OSBP2: variants seen among roughly 807,000 people sequenced by gnomAD.
OSBP2 encodes oxysterol-binding protein 2.
Under a neutral mutation model 96.0 loss-of-function variants are expected in OSBP2, and 66 were observed. That is an observed-to-expected ratio of 0.69 (90% CI 0.56 to 0.84). The LOEUF (loss-of-function observed/expected upper bound fraction) is 0.84, where lower values mean the gene tolerates loss of function less well. Among genes scored for constraint, OSBP2 ranks in the 40% least tolerant of loss-of-function variants. The probability of loss-of-function intolerance (pLI) is 0.00; values close to 1 mark genes in which losing one functional copy is unlikely to be tolerated. For synonymous variants in OSBP2, 525 were observed against 520.9 expected, an observed-to-expected ratio of 1.01 and a Z score of -0.11; for missense variants, 1,038 against 1,222.7, an observed-to-expected ratio of 0.85 and a Z score of 2.25.
At chr22:30,721,570 C>T (rs1230317280) in intron 1 of OSBP2, among the ~76,000 whole-genome samples, 3 of 152,174 alleles carry the variant, frequency 2.0e-5, no homozygotes, top group East Asian at 1.9e-4. Context: ...TGTTGTGTTT[C>T]GACAGGAGTT....
rs767628950 is a variant in OSBP2 at position 30,695,422 on chromosome 22, G to A, written c.513G>A (p.Thr171=). The change falls in exon 1 of 14, where the codon ACG becomes ACA. Residue 171 remains threonine (T), a synonymous_variant. Coordinates refer to ENST00000332585, the MANE Select transcript of OSBP2 (RefSeq NM_030758.4). ...PLGVPMSGTG[T]TSSAPLALLP... ...GGGTTCCAATGTCGGGGACTGGCACGACCTCCAGTGCCCCACTGGCCTTAC... is the reference window on the plus strand; with the variant it reads ...GGGTTCCAATGTCGGGGACTGGCACAACCTCCAGTGCCCCACTGGCCTTAC... 6.2e-7 allele frequency: 1 copy of A among 1,613,712 alleles called. No homozygotes were observed. The highest frequency in any genetic ancestry group is 1.3e-5 in the African/African-American group (1 of 75,068).
At chr22:30,806,647 G>A (rs1184185722) in intron 2 of OSBP2, among the ~76,000 whole-genome samples, 1 of 152,150 alleles carries the variant, frequency 6.6e-6, no homozygotes, top group Non-Finnish European at 1.5e-5. Flanking sequence ...CCACTGCCCT[G>A]GACAGGAACC....
intron 1 of OSBP2, among the ~76,000 whole-genome samples, chr22:30,737,363 A>C: frequency 7.9e-6 from 1 of 126,270 alleles, no homozygotes; most frequent in Non-Finnish European, 1.6e-5. Context: ...TCACTCTGTC[A>C]CTCAGGCTGG....
intron 2 of OSBP2, among the ~76,000 whole-genome samples, chr22:30,843,849 T>C (rs1470669811): frequency 1.3e-5 from 2 of 151,608 alleles, no homozygotes; most frequent in Admixed American, 6.6e-5. Context: ...GCCTGGGTAA[T>C]AGAGTGAGAC....
chr22:30,704,489 A>C (rs1015462786), intron 1 of OSBP2, among the ~76,000 whole-genome samples: 3 of 151,326 alleles, frequency 2.0e-5, no homozygotes, highest in East Asian at 1.9e-4. Context: ...GCACGTACCC[A>C]AATTCCAGAT....
intron 2 of OSBP2, among the ~76,000 whole-genome samples, chr22:30,786,436 C>A (rs2090591395): frequency 6.6e-6 from 1 of 152,080 alleles, no homozygotes; most frequent in South Asian, 2.1e-4. Context: ...ATCAATGACA[C>A]CTGCCAGAGA....
chr22:30,779,477 C>T (rs1455248740), intron 2 of OSBP2, among the ~76,000 whole-genome samples: 1 of 152,002 alleles, frequency 6.6e-6, no homozygotes, highest in Non-Finnish European at 1.5e-5. Flanking sequence ...TATATAAAAT[C>T]TATAAACCAT....
chr22:30,878,223 T>C (rs2039625452), intron 3 of OSBP2, among the ~76,000 whole-genome samples: 1 of 152,242 alleles, frequency 6.6e-6, no homozygotes, highest in Non-Finnish European at 1.5e-5. Context: ...CCAATGTCAA[T>C]GACTCAAGGC....
chr22:30,748,317 T>C (rs2090032484), intron 2 of OSBP2, among the ~76,000 whole-genome samples: 1 of 151,952 alleles, frequency 6.6e-6, no homozygotes, highest in Non-Finnish European at 1.5e-5. Context: ...GTGATCCGCC[T>C]GCCTCAGCCT....
At position 30,737,311 on chromosome 22, in the gene OSBP2, C is replaced by T. The variant is rs545218207; in HGVS notation, c.645-3850C>T. On this transcript the variant is annotated intron_variant, in intron 1 of 13. Coordinates refer to ENST00000332585, the MANE Select transcript of OSBP2 (RefSeq NM_030758.4). ...GATTACAGGCGTGAGCCACTGCGCCCGGCCTTTTTTTTTTTTTTTTTTTTT... is the reference window on the plus strand; with the variant it reads ...GATTACAGGCGTGAGCCACTGCGCCTGGCCTTTTTTTTTTTTTTTTTTTTT... Among the ~76,000 whole-genome samples the T allele has an allele frequency of 6.5e-3, 958 of 147,246 alleles. 5 individuals carry two copies. Among genetic ancestry groups the T allele is most frequent in the Non-Finnish European group, 0.011 (724 of 66,900 alleles).
At chr22:30,854,306 CTTTTTTT>C (rs10618386) in intron 2 of OSBP2, among the ~76,000 whole-genome samples, 1 of 103,014 alleles carries the variant, frequency 9.7e-6, no homozygotes. Context: ...ATACAGTTAT[CTTTTTTT>C]TTTTTTTTTT....
chr22:30,854,136 T>G (rs1338228625), intron 2 of OSBP2, among the ~76,000 whole-genome samples: 1 of 152,102 alleles, frequency 6.6e-6, no homozygotes, highest in Non-Finnish European at 1.5e-5. Context: ...TTCCAAATAA[T>G]TCACCACTTC....
In OSBP2 at chr22:30,698,015, C is replaced by T. The variant is rs150468553; in HGVS notation, c.644+2462C>T. 2.2e-3 allele frequency among the ~76,000 whole-genome samples: 339 copies of T among 152,262 alleles called. 1 individual carries two copies. Among genetic ancestry groups the T allele is most frequent in the African/African-American group, 7.4e-3 (309 of 41,542 alleles). On this transcript the variant is annotated intron_variant, in intron 1 of 13. Transcript: ENST00000332585. ...TGGAATTGCCACTTGAGATGTTTGA[C>T]GCCGCTCTCCTGTCCCCACTTCTGA...
intron 12 of OSBP2, among the ~76,000 whole-genome samples, chr22:30,898,272 G>A (rs1437014716): frequency 6.6e-6 from 1 of 152,020 alleles, no homozygotes; most frequent in African/African-American, 2.4e-5. Flanking sequence ...AGGATCACTT[G>A]AGCCCAGGAG....
intron 2 of OSBP2, among the ~76,000 whole-genome samples, chr22:30,825,482 A>G (rs891784578): frequency 1.3e-5 from 2 of 152,154 alleles, no homozygotes; most frequent in East Asian, 1.9e-4. Context: ...TCAATCACCT[A>G]TGTATCTGTG....
At chr22:30,784,435 T>G (rs8141331) in intron 2 of OSBP2, among the ~76,000 whole-genome samples, 1 of 150,756 alleles carries the variant, frequency 6.6e-6, no homozygotes, top group Non-Finnish European at 1.5e-5. Flanking sequence ...AAAAAAAAAA[T>G]TTTTTTAAAG....
At chr22:30,726,211 A>G (rs2089648238) in intron 1 of OSBP2, among the ~76,000 whole-genome samples, 1 of 152,238 alleles carries the variant, frequency 6.6e-6, no homozygotes, top group Admixed American at 6.5e-5. Context: ...GTCATTTACA[A>G]TAGCAAAACT....
intron 2 of OSBP2, among the ~76,000 whole-genome samples, chr22:30,819,351 G>A (rs1314560483): frequency 6.6e-6 from 1 of 152,144 alleles, no homozygotes; most frequent in Non-Finnish European, 1.5e-5. Flanking sequence ...CATGATGCAT[G>A]AGTATAGATG....
intron 2 of OSBP2, among the ~76,000 whole-genome samples, chr22:30,802,861 G>A (rs28699499): frequency 0.2 from 29,917 of 152,206 alleles, 3,587 homozygotes; most frequent in African/African-American, 0.35. Context: ...TCAGGCTGAC[G>A]GGCGGGCGGG....
Sources: gnomAD v4.1 joint callset for allele counts (sites outside exome capture counted in the v4.1 genomes callset) on GRCh38, gnomAD v4.1.1 for gene constraint, MANE v1.5 for transcripts, NCBI Gene and HGNC (gene_info 2026-07-23, HGNC 2026-07-21) for gene names.